KCNQ5: variants seen among roughly 807,000 people sequenced by gnomAD.
The protein encoded by KCNQ5 is potassium voltage-gated channel subfamily KQT member 5.
KCNQ5 carries 30 observed loss-of-function variants against 98.2 expected under a neutral mutation model. The observed-to-expected ratio is 0.31, with a 90% CI of 0.23 to 0.41. The LOEUF (loss-of-function observed/expected upper bound fraction) is 0.41. Ranked by LOEUF, KCNQ5 falls within the 10% of genes least tolerant of loss-of-function variation. The pLI is 1.00. For synonymous variants in KCNQ5, 458 were observed against 449.4 expected (o/e 1.02, Z -0.24); for missense variants, 835 against 1,182.5 (o/e 0.71, Z 4.31).
chr6:73,064,516 A>C (rs1408231969), intron 3 of KCNQ5, among the ~76,000 whole-genome samples: 1 of 152,100 alleles, frequency 6.6e-6, no homozygotes, highest in Non-Finnish European at 1.5e-5. Flanking sequence ...CATTGGTGGA[A>C]TCCAAATCTT....
At chr6:72,847,910 G>A (rs1185959962) in intron 1 of KCNQ5, among the ~76,000 whole-genome samples, 1 of 151,864 alleles carries the variant, frequency 6.6e-6, no homozygotes, top group East Asian at 1.9e-4. Flanking sequence ...AAATAGCTTA[G>A]AAGATTACAT....
chr6:73,120,611 G>A, intron 8 of KCNQ5, 34 bp downstream of exon 8: 1 of 1,443,402 alleles, frequency 6.9e-7, no homozygotes, highest in Non-Finnish European at 9.7e-7. Context: ...CACTGTAGTT[G>A]AGTCTTTTCA....
At position 73,194,469 on chromosome 6, in the gene KCNQ5, C is replaced by T; in HGVS notation, c.1854C>T (p.Ser618=). The T allele has an allele frequency of 1.2e-6, 2 of 1,613,480 alleles. No individual in the cohort carries two copies. Among genetic ancestry groups the T allele is most frequent in the Non-Finnish European group, 1.7e-6 (2 of 1,179,484 alleles). ...ACTTCTAGGTACAGTCCATAGAATC[C>T]AAGCTGGACTGCCTACTAGACATCT... The part of the protein sequence containing the change: ...KVEKQVQSIE[S]KLDCLLDIYQ... The change falls in exon 14 of 14, where the codon TCC becomes TCT. Residue 618 remains serine (S), a synonymous_variant. Transcript: ENST00000370398.
At chr6:72,895,206 G>A (rs1428477632) in intron 1 of KCNQ5, among the ~76,000 whole-genome samples, 7 of 150,260 alleles carry the variant, frequency 4.7e-5, no homozygotes, top group African/African-American at 7.3e-5. Flanking sequence ...GGAGAATGGC[G>A]TGAACCCAGG....
At chr6:72,987,258 T>C in intron 1 of KCNQ5, 2 of 689,060 alleles carry the variant, frequency 2.9e-6, no homozygotes, top group Non-Finnish European at 5.6e-6. Flanking sequence ...AAGAGACCCT[T>C]GGAAGGAGGA....
intron 1 of KCNQ5, among the ~76,000 whole-genome samples, chr6:72,863,673 G>A (rs1777860355): frequency 6.6e-6 from 1 of 152,104 alleles, no homozygotes; most frequent in Non-Finnish European, 1.5e-5. Flanking sequence ...GTTTCTACCT[G>A]GACAATAAAG....
At chr6:72,958,922 T>C (rs1240262613) in intron 1 of KCNQ5, among the ~76,000 whole-genome samples, 1 of 152,152 alleles carries the variant, frequency 6.6e-6, no homozygotes, top group Non-Finnish European at 1.5e-5. Flanking sequence ...AATGCAAAAC[T>C]TTATGGAAGC....
rs1323083151 is a variant in KCNQ5, at chr6:73,063,679, A to AGAT, written c.617-13642_617-13640dup. Among the ~76,000 whole-genome samples, 145 of 70,064 alleles carry AGAT rather than the reference A, an allele frequency of 2.1e-3. 1 individual carries two copies. The highest frequency in any genetic ancestry group is 5.7e-3 in the African/African-American group (140 of 24,740). The allele number at this position is 70,064 out of a possible 152,430, so 46.0% of individuals were successfully genotyped here. A position where few individuals can be genotyped will look rare whatever the true frequency, so the allele number is the denominator to read the frequency against. On this transcript the variant is annotated intron_variant, in intron 3 of 13. Coordinates refer to ENST00000370398, the MANE Select transcript of KCNQ5 (RefSeq NM_019842.4). ...ATAGATAGATAGATGATAGATAGAT[A>AGAT]GATAGATGATAGATAGATAGATAGA...
At chr6:72,713,434 A>G (rs557917754) in intron 1 of KCNQ5, among the ~76,000 whole-genome samples, 2 of 152,048 alleles carry the variant, frequency 1.3e-5, no homozygotes, top group Non-Finnish European at 1.5e-5. Context: ...CCAACCAATC[A>G]CCAAATTCTA....
intron 1 of KCNQ5, among the ~76,000 whole-genome samples, chr6:72,838,239 G>C (rs1007536765): frequency 6.6e-6 from 1 of 151,546 alleles, no homozygotes; most frequent in Non-Finnish European, 1.5e-5. Flanking sequence ...TTTTCCTATG[G>C]ACACCAGTAT....
At chr6:73,131,833 C>T (rs182391963) in intron 9 of KCNQ5, among the ~76,000 whole-genome samples, 15 of 152,278 alleles carry the variant, frequency 9.9e-5, no homozygotes, top group Admixed American at 8.5e-4. Context: ...AACTCTTGAA[C>T]CCACCTGACC....
Position 72,969,097 on chromosome 6 carries a change from T to G in KCNQ5, c.399-34811T>G, listed in dbSNP as rs556938936. On this transcript the variant is annotated intron_variant, in intron 1 of 13. Coordinates refer to ENST00000370398, the MANE Select transcript of KCNQ5 (RefSeq NM_019842.4). ...AGTGTATTCATTTTTTAAAGTATAT[T>G]TATTTTAAAAGTGGCAAATTCAGGT... Among the ~76,000 whole-genome samples, 11 of 152,320 alleles carry G rather than the reference T, an allele frequency of 7.2e-5. No individual in the cohort carries two copies. In the South Asian group the frequency reaches 2.3e-3, roughly 32 times the overall value.
chr6:73,192,038 A>G lies in KCNQ5; in HGVS notation c.1710-527A>G, dbSNP rs9341414. 2.0e-5 allele frequency among the ~76,000 whole-genome samples: 3 copies of G among 152,322 alleles called. No individual in the cohort carries two copies. The East Asian group carries it at 5.8e-4, about 29-fold the overall frequency. ...ATGGCCTTCTAAGTTCTTTAATAAAACTGTCTACAGCTCCCAAGGTTTTAT... is the reference window on the plus strand; with the variant it reads ...ATGGCCTTCTAAGTTCTTTAATAAAGCTGTCTACAGCTCCCAAGGTTTTAT... On this transcript the variant is annotated intron_variant, in intron 12 of 13. Transcript: ENST00000370398.
chr6:72,964,942 T>A lies in KCNQ5; in HGVS notation c.399-38966T>A, dbSNP rs532419673. ...GTTTTTCACATTTTCGTGCTTTTTT[T>A]AAAAAAAAATTCTTTTTTGGTTTAC... On this transcript the variant is annotated intron_variant, in intron 1 of 13. Coordinates refer to ENST00000370398, the MANE Select transcript of KCNQ5 (RefSeq NM_019842.4). Among the ~76,000 whole-genome samples the A allele has an allele frequency of 1.5e-3, 226 of 151,876 alleles. 1 individual carries two copies. The South Asian group carries it at 0.026, about 17-fold the overall frequency.
intron 6 of KCNQ5, among the ~76,000 whole-genome samples, chr6:73,108,788 C>T (rs1407409568): frequency 6.6e-6 from 1 of 152,090 alleles, no homozygotes; most frequent in Non-Finnish European, 1.5e-5. Context: ...GATCGCTCCA[C>T]TGCACTCCAG....
At chr6:73,123,884 G>A (rs1274251965) in intron 8 of KCNQ5, among the ~76,000 whole-genome samples, 3 of 152,136 alleles carry the variant, frequency 2.0e-5, no homozygotes, top group South Asian at 2.1e-4. Context: ...CACACAGCTC[G>A]TTTGCAAAGA....
At chr6:72,827,113 T>C (rs1446079094) in intron 1 of KCNQ5, among the ~76,000 whole-genome samples, 6 of 152,184 alleles carry the variant, frequency 3.9e-5, no homozygotes, top group Non-Finnish European at 7.4e-5. Context: ...ATTTTCTTGA[T>C]CCATTCATCT....
At chr6:73,075,827 T>TTC (rs1258143008) in intron 3 of KCNQ5, among the ~76,000 whole-genome samples, 4 of 152,150 alleles carry the variant, frequency 2.6e-5, no homozygotes, top group Admixed American at 6.5e-5. Flanking sequence ...GCAGATGATG[T>TTC]GAGCTCAGGA....
At chr6:72,873,590 G>A (rs555397812) in intron 1 of KCNQ5, among the ~76,000 whole-genome samples, 1 of 152,170 alleles carries the variant, frequency 6.6e-6, no homozygotes, top group East Asian at 1.9e-4. Flanking sequence ...TACTGAGTAA[G>A]GCAACTGGCA....
Sources: gnomAD v4.1 joint callset for allele counts (sites outside exome capture counted in the v4.1 genomes callset) on GRCh38, gnomAD v4.1.1 for gene constraint, MANE v1.5 for transcripts, NCBI Gene and HGNC (gene_info 2026-07-23, HGNC 2026-07-21) for gene names.